MYO16: variants seen among roughly 807,000 people sequenced by gnomAD.
The protein encoded by MYO16 is myosin XVI.
Under a neutral mutation model 205.3 loss-of-function variants are expected in MYO16, and 94 were observed. The ratio of observed to expected loss-of-function variants is 0.46; its 90% CI spans 0.39 to 0.54. The LOEUF (loss-of-function observed/expected upper bound fraction) is 0.54. MYO16 is among the 20% of genes least tolerant of loss of function. The pLI, the probability that MYO16 is intolerant of heterozygous loss-of-function variation, is 0.00. For missense variants in MYO16, 2,315 were observed against 2,387.5 expected (o/e 0.97, Z 0.63); for synonymous variants, 988 against 954.0 (o/e 1.04, Z -0.66).
the MYO16 span, among the ~76,000 whole-genome samples, chr13:108,502,926 C>A: frequency 5.9e-5 from 9 of 152,052 alleles, no homozygotes; most frequent in Non-Finnish European, 1.2e-4. Context: ...AAATGAAATT[C>A]GGCCTAAGAA....
chr13:108,910,259 A>T, intron 16 of MYO16, 109 bp downstream of exon 16: 1 of 1,235,904 alleles, frequency 8.1e-7, no homozygotes, highest in Admixed American at 2.0e-5. Context: ...GGTGAGTAAA[A>T]GATAACTGTT....
Position 109,193,542 on chromosome 13 carries a change from G to T in MYO16, c.5416-13067G>T, listed in dbSNP as rs561688921. ...GATTCTATTTAATACTGTTACACACGATTAAATAACATGATTATTTCTGGA... is the reference window on the plus strand; with the variant it reads ...GATTCTATTTAATACTGTTACACACTATTAAATAACATGATTATTTCTGGA... On this transcript the variant is annotated intron_variant, in intron 34 of 34. Transcript: ENST00000457511. Among the ~76,000 whole-genome samples, 4 of 152,066 alleles carry T rather than the reference G, an allele frequency of 2.6e-5. No individual in the cohort carries two copies. The South Asian group carries it at 8.3e-4, about 32-fold the overall frequency.
chr13:109,135,886 AC>A (rs1876752520), intron 31 of MYO16, among the ~76,000 whole-genome samples: 1 of 151,978 alleles, frequency 6.6e-6, no homozygotes, highest in African/African-American at 2.4e-5. Flanking sequence ...TTCTTAGAAG[AC>A]CTGTGGTTTT....
At chr13:109,041,915 G>A (rs1453622761) in intron 23 of MYO16, among the ~76,000 whole-genome samples, 3 of 149,888 alleles carry the variant, frequency 2.0e-5, no homozygotes, top group African/African-American at 7.4e-5. Context: ...AGGCTGGAGT[G>A]CAGTGGTGGC....
At chr13:108,821,620 A>G (rs1875974433) in intron 8 of MYO16, among the ~76,000 whole-genome samples, 1 of 152,176 alleles carries the variant, frequency 6.6e-6, no homozygotes. Context: ...TATTTCCCAG[A>G]CAAGGGAGGA....
At chr13:109,168,104 AAAAT>A (rs1234720185) in intron 33 of MYO16, among the ~76,000 whole-genome samples, 12 of 152,124 alleles carry the variant, frequency 7.9e-5, no homozygotes, top group African/African-American at 2.9e-4. Context: ...TAAAGAGAGA[AAAAT>A]AAAATCATAA....
intron 2 of MYO16, among the ~76,000 whole-genome samples, chr13:108,705,771 A>G (rs1469085690): frequency 6.6e-6 from 1 of 152,134 alleles, no homozygotes; most frequent in African/African-American, 2.4e-5. Context: ...AAGTTAGATA[A>G]ACCACATGAA....
At position 108,952,378 on chromosome 13, in the gene MYO16, G is replaced by A. The variant is rs143911492; in HGVS notation, c.1926-5310G>A. 3.7e-3 allele frequency among the ~76,000 whole-genome samples: 564 copies of A among 152,138 alleles called. 5 individuals are homozygous for A. The highest frequency in any genetic ancestry group is 0.014 in the Middle Eastern group (4 of 294). Reference sequence around the variant, plus strand: ...GACACTGGGCTCAGGGGCAAGACGGGGTGTGTTGGTTCGCCAATGACTAGC... The same window carrying A: ...GACACTGGGCTCAGGGGCAAGACGGAGTGTGTTGGTTCGCCAATGACTAGC... On this transcript the variant is annotated intron_variant, in intron 16 of 34. Transcript: ENST00000457511.
At chr13:108,674,599 G>A (rs1882124307) in intron 2 of MYO16, among the ~76,000 whole-genome samples, 1 of 152,164 alleles carries the variant, frequency 6.6e-6, no homozygotes, top group South Asian at 2.1e-4. Flanking sequence ...TGACACCTCG[G>A]AAATTGAAAT....
intron 2 of MYO16, among the ~76,000 whole-genome samples, chr13:108,700,988 C>T (rs1883285313): frequency 3.3e-5 from 5 of 152,108 alleles, no homozygotes; most frequent in Admixed American, 2.6e-4. Flanking sequence ...AGGAATGCCC[C>T]AGCATAGAAG....
At chr13:108,877,551 A>T (rs1385313324) in intron 12 of MYO16, among the ~76,000 whole-genome samples, 9 of 152,256 alleles carry the variant, frequency 5.9e-5, no homozygotes, top group Non-Finnish European at 1.5e-5. Flanking sequence ...TGTCATTATG[A>T]CTAAACTATG....
rs113657798 is a variant in MYO16 at position 108,954,233 on chromosome 13, A to G, written c.1926-3455A>G. 7.9e-3 allele frequency among the ~76,000 whole-genome samples: 1,196 copies of G among 152,324 alleles called. 16 individuals are homozygous for G. The highest frequency in any genetic ancestry group is 0.028 in the African/African-American group (1,153 of 41,586). On this transcript the variant is annotated intron_variant, in intron 16 of 34. Transcript: ENST00000457511. ...CAGGGAGCTTACTAATTAATTACTT[A>G]TCAAGAATTGTAAAAGAAATTTTTT...
At chr13:108,938,516 A>G (rs1418610391) in intron 16 of MYO16, among the ~76,000 whole-genome samples, 3 of 152,206 alleles carry the variant, frequency 2.0e-5, no homozygotes, top group Admixed American at 2.0e-4. Flanking sequence ...GTGCCTAGAA[A>G]TGGAGCTGGG....
At chr13:108,946,668 A>G (rs77484881) in intron 16 of MYO16, among the ~76,000 whole-genome samples, 1 of 152,188 alleles carries the variant, frequency 6.6e-6, no homozygotes, top group Non-Finnish European at 1.5e-5. Flanking sequence ...CGGAGAAGAG[A>G]GTGTATTGGT....
At chr13:108,969,386 CT>C (rs1471820930) in intron 20 of MYO16, among the ~76,000 whole-genome samples, 3 of 152,142 alleles carry the variant, frequency 2.0e-5, no homozygotes, top group African/African-American at 7.2e-5. Context: ...TAACAAAGTC[CT>C]TGTTTAAACC....
Position 108,629,840 on chromosome 13 carries a change from G to C in MYO16, c.-5G>C. On this transcript the variant is annotated 5_prime_UTR_variant, in exon 1 of 35. Coordinates refer to ENST00000457511, the MANE Select transcript of MYO16 (RefSeq NM_001198950.3). The stretch of plus-strand genomic sequence containing the variant: ...CGTAGCAAGATTCCTGTCTGAGATG[G>C]AAAGATGTCTCACTATCATTTTATC... 1.3e-6 allele frequency: 2 copies of C among 1,529,138 alleles called. No individual in the cohort carries two copies. Among genetic ancestry groups the C allele is most frequent in the Non-Finnish European group, 1.8e-6 (2 of 1,141,328 alleles). 94.7% of individuals were successfully genotyped at this position (1,529,138 alleles called of 1,614,324 possible).
chr13:108,771,290 C>T (rs949903624), intron 4 of MYO16, among the ~76,000 whole-genome samples: 1 of 152,150 alleles, frequency 6.6e-6, no homozygotes, highest in Non-Finnish European at 1.5e-5. Flanking sequence ...AACATCCACT[C>T]ATAGAGCTTA....
intron 1 of MYO16, among the ~76,000 whole-genome samples, chr13:108,600,928 A>G (rs1878738844): frequency 6.6e-6 from 1 of 152,060 alleles, no homozygotes; most frequent in Admixed American, 6.6e-5. Flanking sequence ...GCTTATTTTT[A>G]TGCCACTTAT....
rs192447939 is a variant in MYO16, at chr13:109,108,041, A to T, written c.3438+7154A>T. On this transcript the variant is annotated intron_variant, in intron 28 of 34. Transcript: ENST00000457511. The stretch of plus-strand genomic sequence containing the variant: ...AACTACCTAAAGATAACTACTGAAA[A>T]TATTTGGTGCGTATTCATTCACTTT... 2.6e-5 allele frequency among the ~76,000 whole-genome samples: 4 copies of T among 152,218 alleles called. No homozygotes were observed. In the East Asian group the frequency reaches 7.7e-4, roughly 29 times the overall value.
Sources: gnomAD v4.1 joint callset for allele counts (sites outside exome capture counted in the v4.1 genomes callset) on GRCh38, gnomAD v4.1.1 for gene constraint, MANE v1.5 for transcripts, NCBI Gene and HGNC (gene_info 2026-07-23, HGNC 2026-07-21) for gene names.